The following PNLDC1 variants were observed in gnomAD, a reference collection of about 807,000 sequenced individuals.
The protein encoded by PNLDC1 is PARN like ribonuclease domain containing exonuclease 1, also known as poly(A)-specific ribonuclease PNLDC1.
Under a neutral mutation model 82.0 loss-of-function variants are expected in PNLDC1, and 70 were observed. That is an observed-to-expected ratio of 0.85 (90% CI 0.70 to 1.04). PNLDC1 has a LOEUF of 1.04. Among genes scored for constraint, PNLDC1 ranks in the 50% least tolerant of loss-of-function variants. The pLI is 0.00. For synonymous variants in PNLDC1, 280 were observed against 249.3 expected (o/e 1.12, Z -1.16); for missense variants, 631 against 661.1 (o/e 0.95, Z 0.50).
intron 12 of PNLDC1, among the ~76,000 whole-genome samples, chr6:159,814,619 G>A (rs1312937271): frequency 2.0e-5 from 3 of 152,170 alleles, no homozygotes; most frequent in Non-Finnish European, 4.4e-5. Flanking sequence ...GCATGATACT[G>A]AGGGCTGTGT....
chr6:159,809,128 C>T lies in PNLDC1; in HGVS notation c.753C>T (p.Val251=). 6 of 1,614,022 alleles carry T rather than the reference C, an allele frequency of 3.7e-6. No homozygotes were observed. Among genetic ancestry groups the T allele is most frequent in the Non-Finnish European group, 5.1e-6 (6 of 1,179,996 alleles). Reference sequence around the variant, plus strand: ...TTCTCTCAGCAAGGGGTTTTTCTGTCTTTTTCCAAATGCTGGTGAAAGCCC... The same window carrying T: ...TTCTCTCAGCAAGGGGTTTTTCTGTTTTTTTCCAAATGCTGGTGAAAGCCC... ...NILLSARGFS[V]FFQMLVKAQK... is the part of the protein sequence containing the mutation. The change falls in exon 9 of 19, where the codon GTC becomes GTT. Residue 251 remains valine, a synonymous_variant. Coordinates refer to ENST00000392167, the MANE Select transcript of PNLDC1 (RefSeq NM_001271862.2).
In PNLDC1 at chr6:159,819,049, A is replaced by G; in HGVS notation, c.1361A>G (p.Gln454Arg). The change falls in exon 17 of 19, where the codon CAG becomes CGG. Residue 454 changes from glutamine to arginine, a missense_variant. By Grantham distance (43) the Gln-to-Arg change is conservative. Coordinates refer to ENST00000392167, the MANE Select transcript of PNLDC1 (RefSeq NM_001271862.2). The surrounding 1 kb of genome is among the most constrained non-coding windows in gnomAD (Gnocchi z 4.6). The part of the protein sequence containing the change: ...VSEQQVYHKF[Q>R]NLCKFDVRRL... Reference sequence around the variant, plus strand: ...GAGCAGCAAGTCTACCATAAGTTTCAGAATCTCTGCAAGTTTGATGTCAGG... The same window carrying G: ...GAGCAGCAAGTCTACCATAAGTTTCGGAATCTCTGCAAGTTTGATGTCAGG... 6.2e-7 allele frequency: 1 copy of G among 1,614,032 alleles called. No individual in the cohort carries two copies. The highest frequency in any genetic ancestry group is 1.3e-5 in the African/African-American group (1 of 75,040).
At position 159,808,816 on chromosome 6, in the gene PNLDC1, G is replaced by A; in HGVS notation, c.639G>A (p.Gly213=). Reference sequence around the variant, plus strand: ...TCTGGACGGTGCTGAAAGATGAGGGGGTGAGTTCTCACTGCGAACGGGGCA... The same window carrying A: ...TCTGGACGGTGCTGAAAGATGAGGGAGTGAGTTCTCACTGCGAACGGGGCA... ...PNIWTVLKDE[G]VVVKKVSKQH... Residue 213 remains glycine (G), a splice_region_variant and synonymous_variant, in exon 8 of 19, where the codon GGG becomes GGA. Transcript: ENST00000392167. 1.2e-6 allele frequency: 2 copies of A among 1,613,976 alleles called. No individual in the cohort carries two copies.
Position 159,819,980 on chromosome 6 carries a change from C to T in PNLDC1, c.1533-474C>T, listed in dbSNP as rs199952190. On this transcript the variant is annotated intron_variant, in intron 18 of 18. Transcript: ENST00000392167. This position sits in a 1 kb window ranked among gnomAD's most constrained non-coding sequence, Gnocchi z 4.6. ...CTATAACCCGACTCAGGTTGTCTTC[C>T]GTGTTGGGGTAGACTGTGGAGGCGA... Among the ~76,000 whole-genome samples, 23 of 152,224 alleles carry T rather than the reference C, an allele frequency of 1.5e-4. No homozygotes were observed. The East Asian group carries it at 4.5e-3, about 29-fold the overall frequency.
At position 159,803,258 on chromosome 6, in the gene PNLDC1, G is replaced by A; in HGVS notation, c.209-13G>A. 2 of 1,613,816 alleles carry A rather than the reference G, an allele frequency of 1.2e-6. No individual in the cohort carries two copies. Among genetic ancestry groups the A allele is most frequent in the Non-Finnish European group, 1.7e-6 (2 of 1,179,806 alleles). On this transcript the variant is annotated splice_polypyrimidine_tract_variant and intron_variant, in intron 3 of 18. Transcript: ENST00000392167. Reference sequence around the variant, plus strand: ...TTCCTTGGCATTCATTCCCTCTACGGTCATTCTTCCAGGATTGTCTGTGTT... The same window carrying A: ...TTCCTTGGCATTCATTCCCTCTACGATCATTCTTCCAGGATTGTCTGTGTT...
At position 159,818,491 on chromosome 6, in the gene PNLDC1, T is replaced by C. The variant is rs1781915286; in HGVS notation, c.1158-64T>C. ...TCTGTTCTGTCACCGGATTCTTGGC[T>C]GTGGCCGAGGAAGTGGATGAACTTC... is the stretch of plus-strand genomic sequence containing the variant. On this transcript the variant is annotated intron_variant, in intron 15 of 18. Coordinates refer to ENST00000392167, the MANE Select transcript of PNLDC1 (RefSeq NM_001271862.2). The C allele has an allele frequency of 4.2e-6, 6 of 1,429,360 alleles. No individual in the cohort carries two copies. The Middle Eastern group carries it at 7.0e-4, about 166-fold the overall frequency. 88.5% of individuals were successfully genotyped at this position (1,429,360 alleles called of 1,614,324 possible).
intron 15 of PNLDC1, among the ~76,000 whole-genome samples, chr6:159,818,198 T>C (rs1456932354): frequency 1.3e-5 from 2 of 152,148 alleles, no homozygotes; most frequent in Non-Finnish European, 2.9e-5. Flanking sequence ...GGATGCCCTT[T>C]TGGAATCAAA....
intron 9 of PNLDC1, 99 bp from the exon 10 acceptor site, chr6:159,809,927 G>A: frequency 2.0e-6 from 2 of 993,990 alleles, no homozygotes; most frequent in East Asian, 2.4e-5. Context: ...CAGAATTGCA[G>A]TGGGTTCTAA....
intron 3 of PNLDC1, among the ~76,000 whole-genome samples, chr6:159,802,502 G>A (rs144695086): frequency 1.0e-3 from 149 of 149,522 alleles, no homozygotes; most frequent in Non-Finnish European, 1.9e-3. Flanking sequence ...TTTTTTGTTC[G>A]TTTGTTTGTT....
intron 3 of PNLDC1, among the ~76,000 whole-genome samples, chr6:159,801,675 G>A (rs1195656930): frequency 1.3e-5 from 2 of 151,934 alleles, no homozygotes; most frequent in African/African-American, 4.8e-5. Context: ...TGACTTCCTG[G>A]GCTCGAGCAA....
In PNLDC1 at chr6:159,819,828, T is replaced by C. The variant is rs1188210554; in HGVS notation, c.1532+476T>C. ...CCCGGAGTGTCACGGGGAGAGGCCATTGTGAGCAAAACAGCAAGGAGGGGG... is the reference window on the plus strand; with the variant it reads ...CCCGGAGTGTCACGGGGAGAGGCCACTGTGAGCAAAACAGCAAGGAGGGGG... On this transcript the variant is annotated intron_variant, in intron 18 of 18. Coordinates refer to ENST00000392167, the MANE Select transcript of PNLDC1 (RefSeq NM_001271862.2). The surrounding 1 kb of genome is among the most constrained non-coding windows in gnomAD (Gnocchi z 4.6). Among the ~76,000 whole-genome samples, 1 of 151,534 alleles carries C rather than the reference T, an allele frequency of 6.6e-6. No individual in the cohort carries two copies. Among genetic ancestry groups the C allele is most frequent in the Non-Finnish European group, 1.5e-5 (1 of 67,878 alleles).
At chr6:159,813,562 C>T (rs201346793) in intron 11 of PNLDC1, 39 bp from the exon 12 acceptor site, 642 of 1,567,344 alleles carry the variant, frequency 4.1e-4, no homozygotes, top group Non-Finnish European at 5.2e-4. Flanking sequence ...TAAACAAAAG[C>T]GCAAATGTTT....
intron 3 of PNLDC1, among the ~76,000 whole-genome samples, chr6:159,802,347 G>A (rs1317219847): frequency 2.0e-5 from 3 of 151,408 alleles, no homozygotes; most frequent in Non-Finnish European, 4.4e-5. Flanking sequence ...TCAAACTTTT[G>A]GGCTCTGGAG....
chr6:159,805,360 G>A (rs1402377733), intron 6 of PNLDC1, among the ~76,000 whole-genome samples: 1 of 152,194 alleles, frequency 6.6e-6, no homozygotes, highest in Admixed American at 6.5e-5. Context: ...TTATCAGGAA[G>A]GGGGAGATTA....
rs188064754 is a variant in PNLDC1, at chr6:159,803,340, G to A, written c.248+30G>A. 1.5e-5 allele frequency: 24 copies of A among 1,604,684 alleles called. No homozygotes were observed. The East Asian group carries it at 4.7e-4, about 31-fold the overall frequency. The stretch of plus-strand genomic sequence containing the variant: ...GTATCAAGAGCTTCTGCAAACATAG[G>A]TGCTTCCCACCTATGTTCCACAGCT... On this transcript the variant is annotated intron_variant, in intron 4 of 18. Coordinates refer to ENST00000392167, the MANE Select transcript of PNLDC1 (RefSeq NM_001271862.2).
At chr6:159,806,183 C>T (rs751843224) in intron 7 of PNLDC1, 100 bp downstream of exon 7, 1 of 894,404 alleles carries the variant, frequency 1.1e-6, no homozygotes, top group Non-Finnish European at 1.8e-6. Flanking sequence ...GATCCTGGTC[C>T]CAAGTGCCTC....
chr6:159,813,178 T>C (rs555077049), intron 11 of PNLDC1, among the ~76,000 whole-genome samples: 1 of 152,210 alleles, frequency 6.6e-6, no homozygotes, highest in East Asian at 1.9e-4. Context: ...GAGGCTGTTA[T>C]TATTTGTAGT....
At chr6:159,804,753 A>T (rs1583168048) in intron 6 of PNLDC1, 116 bp downstream of exon 6, 1 of 714,620 alleles carries the variant, frequency 1.4e-6, no homozygotes, top group East Asian at 2.7e-5. Flanking sequence ...CTTGGCGGGG[A>T]TGGCTTCAGC....
At chr6:159,808,689 A>T in intron 7 of PNLDC1, 51 bp from the exon 8 acceptor site, 1 of 1,525,912 alleles carries the variant, frequency 6.6e-7, no homozygotes, top group Non-Finnish European at 9.0e-7. Context: ...CTTGTGGGGA[A>T]CATGCCACAC....
Sources: allele counts gnomAD v4.1 joint callset (sites outside exome capture counted in the v4.1 genomes callset), GRCh38; gene constraint gnomAD v4.1.1; non-coding constraint Gnocchi (gnomAD v3.1); transcripts MANE v1.5; gene names NCBI Gene and HGNC (gene_info 2026-07-23, HGNC 2026-07-21).